Variants in TENM2 observed in about 807,000 individuals in gnomAD.
The protein encoded by TENM2 is teneurin-2.
Under a neutral mutation model 245.2 loss-of-function variants are expected in TENM2, and 52 were observed. The ratio of observed to expected loss-of-function variants is 0.21; its 90% confidence interval spans 0.17 to 0.27. The LOEUF (loss-of-function observed/expected upper bound fraction) is 0.27. TENM2 is among the 10% of genes least tolerant of loss of function. The pLI, the probability that TENM2 is intolerant of heterozygous loss-of-function variation, is 1.00. For missense variants in TENM2, 3,046 were observed against 3,666.8 expected, an observed-to-expected ratio of 0.83 and a Z score of 4.37; for synonymous variants, 1,363 against 1,438.9, an observed-to-expected ratio of 0.95 and a Z score of 1.19.
intron 3 of TENM2, among the ~76,000 whole-genome samples, chr5:167,895,569 C>T (rs1037208240): frequency 4.3e-4 from 65 of 152,184 alleles, no homozygotes; most frequent in African/African-American, 1.5e-3. Context: ...AATATTACTT[C>T]TAATTAATTA....
intron 7 of TENM2, among the ~76,000 whole-genome samples, chr5:168,067,719 C>G (rs376836248): frequency 3.9e-5 from 6 of 152,124 alleles, no homozygotes; most frequent in East Asian, 3.9e-4. Context: ...TTTGGAGCTC[C>G]TTGGCTCTGT....
chr5:167,685,470 C>T (rs1458920657), intron 2 of TENM2, among the ~76,000 whole-genome samples: 1 of 152,112 alleles, frequency 6.6e-6, no homozygotes, highest in Non-Finnish European at 1.5e-5. Context: ...TGTACTCTTT[C>T]CTAAAGAATC....
At chr5:167,567,280 G>A (rs773833767) in intron 2 of TENM2, among the ~76,000 whole-genome samples, 12 of 152,024 alleles carry the variant, frequency 7.9e-5, no homozygotes, top group Non-Finnish European at 1.6e-4. Context: ...AATTTCAGGA[G>A]CATGAATCTT....
intron 6 of TENM2, among the ~76,000 whole-genome samples, chr5:168,050,944 G>T (rs1009228238): frequency 6.6e-6 from 1 of 152,158 alleles, no homozygotes; most frequent in Non-Finnish European, 1.5e-5. Context: ...TCACCATCTT[G>T]TGTGTATTTC....
intron 23 of TENM2, among the ~76,000 whole-genome samples, chr5:168,221,550 T>C (rs1763672167): frequency 6.6e-6 from 1 of 152,268 alleles, no homozygotes; most frequent in East Asian, 1.9e-4. Context: ...TTTGGGAAGA[T>C]GTAACTCAAT....
In TENM2 at chr5:167,446,793, GCACACA is replaced by G. The variant is rs34343283; in HGVS notation, c.502+71349_502+71354del. ...CACCCCATCTCAGTTTTTGAAACAC[GCACACA>G]CACACACACACACACACACACACAC... On this transcript the variant is annotated intron_variant, in intron 2 of 28. Transcript: ENST00000518659. 2.9e-3 allele frequency among the ~76,000 whole-genome samples: 420 copies of G among 143,998 alleles called. 3 individuals are homozygous for G. Among genetic ancestry groups the G allele is most frequent in the African/African-American group, 0.01 (390 of 38,986 alleles). The allele number at this position is 143,998 out of a possible 152,430, so 94.5% of individuals were successfully genotyped here.
At chr5:167,278,450 G>A in the TENM2 span, among the ~76,000 whole-genome samples, 47 of 152,094 alleles carry the variant, frequency 3.1e-4, no homozygotes, top group Non-Finnish European at 5.6e-4. Context: ...GCTTAAGTTT[G>A]CCCTTTTATT....
At chr5:167,967,037 A>C (rs191448756) in intron 4 of TENM2, 2 of 152,276 alleles carry the variant, frequency 1.3e-5, no homozygotes, top group African/African-American at 4.8e-5. Flanking sequence ...GCAGCATTTC[A>C]TGTTGCAGTG....
intron 2 of TENM2, among the ~76,000 whole-genome samples, chr5:167,831,159 T>C (rs942784378): frequency 6.6e-6 from 1 of 152,128 alleles, no homozygotes; most frequent in Non-Finnish European, 1.5e-5. Context: ...TTCTTGTACC[T>C]AACTATGACC....
intron 2 of TENM2, among the ~76,000 whole-genome samples, chr5:167,695,695 A>G (rs1757713021): frequency 6.6e-6 from 1 of 151,770 alleles, no homozygotes; most frequent in Non-Finnish European, 1.5e-5. Context: ...ATCTGTGGCT[A>G]CTAAGTGAAT....
intron 2 of TENM2, among the ~76,000 whole-genome samples, chr5:167,480,541 C>A (rs1767691690): frequency 6.6e-6 from 1 of 152,064 alleles, no homozygotes; most frequent in African/African-American, 2.4e-5. Flanking sequence ...TCTAGTGCAC[C>A]AAAGTTAGTG....
chr5:167,196,197 A>C, the TENM2 span, among the ~76,000 whole-genome samples: 1 of 152,066 alleles, frequency 6.6e-6, no homozygotes, highest in African/African-American at 2.4e-5. Context: ...AATGACAAGT[A>C]TTTGTGTTTC....
At chr5:167,779,858 G>A (rs1432673084) in intron 2 of TENM2, among the ~76,000 whole-genome samples, 1 of 152,212 alleles carries the variant, frequency 6.6e-6, no homozygotes, top group Non-Finnish European at 1.5e-5. Flanking sequence ...GCTACAACCA[G>A]CTGGAGCTGG....
At chr5:167,697,852 A>C (rs958635893) in intron 2 of TENM2, among the ~76,000 whole-genome samples, 2 of 152,156 alleles carry the variant, frequency 1.3e-5, no homozygotes, top group African/African-American at 4.8e-5. Context: ...AGTCAAATTT[A>C]TATTTCATAA....
intron 2 of TENM2, among the ~76,000 whole-genome samples, chr5:167,778,890 C>G (rs1388033463): frequency 6.6e-6 from 1 of 152,166 alleles, no homozygotes; most frequent in African/African-American, 2.4e-5. Context: ...AGGATGCCTT[C>G]TATAATGGTA....
chr5:167,336,903 G>A (rs1279603404), intron 1 of TENM2, among the ~76,000 whole-genome samples: 2 of 150,612 alleles, frequency 1.3e-5, no homozygotes, highest in African/African-American at 4.9e-5. Flanking sequence ...GGATCATGAG[G>A]TCAGGAGATC....
At chr5:168,066,696 GA>G (rs199756459) in intron 7 of TENM2, among the ~76,000 whole-genome samples, 7 of 151,382 alleles carry the variant, frequency 4.6e-5, no homozygotes, top group East Asian at 1.9e-4. Context: ...GACACAGACA[GA>G]AAAAAAAAGT....
At chr5:167,445,369 AGT>A (rs1554154171) in intron 2 of TENM2, among the ~76,000 whole-genome samples, 3,109 of 98,516 alleles carry the variant, frequency 0.032, 66 homozygotes, top group Non-Finnish European at 0.039. Context: ...AGAGAGAGAG[AGT>A]GTCAGGTGTT....
the TENM2 span, among the ~76,000 whole-genome samples, chr5:167,229,877 T>C: frequency 2.0e-5 from 3 of 152,170 alleles, no homozygotes; most frequent in African/African-American, 7.2e-5. Flanking sequence ...TTGGTTTCCC[T>C]GGGAACAGCT....
Sources: gnomAD v4.1 joint callset for allele counts (sites outside exome capture counted in the v4.1 genomes callset) on GRCh38, gnomAD v4.1.1 for gene constraint, MANE v1.5 for transcripts, NCBI Gene and HGNC (gene_info 2026-07-23, HGNC 2026-07-21) for gene names.